TMED3: variants seen among roughly 807,000 people sequenced by gnomAD.
The protein encoded by TMED3 is transmembrane p24 trafficking protein 3.
A neutral mutation model predicts 15.0 loss-of-function variants in TMED3; 9 were observed. The ratio of observed to expected loss-of-function variants is 0.60; its 90% CI spans 0.36 to 1.04. The LOEUF is 1.04. Among genes scored for constraint, TMED3 ranks in the 50% least tolerant of loss-of-function variants. The pLI is 0.01. For synonymous variants in TMED3, 117 were observed against 121.4 expected (o/e 0.96, Z 0.24); for missense variants, 267 against 278.9 (o/e 0.96, Z 0.30).
chr15:79,405,019 G>A (rs748139592), intron 2 of TMED3, among the ~76,000 whole-genome samples: 1 of 152,178 alleles, frequency 6.6e-6, no homozygotes, highest in African/African-American at 2.4e-5. Context: ...GCAGGTTTGG[G>A]CTTCCCATGG....
intron 2 of TMED3, among the ~76,000 whole-genome samples, chr15:79,348,090 A>G (rs1024538871): frequency 6.6e-6 from 1 of 152,188 alleles, no homozygotes; most frequent in African/African-American, 2.4e-5. Flanking sequence ...ACAATTATTA[A>G]GCACTTACCC....
downstream of TMED3, among the ~76,000 whole-genome samples, chr15:79,326,528 C>T (rs1400997776): frequency 6.6e-6 from 1 of 152,152 alleles, no homozygotes; most frequent in Non-Finnish European, 1.5e-5. Context: ...TATTGCTAGT[C>T]TTGGGGCTTT....
intron 2 of TMED3, among the ~76,000 whole-genome samples, chr15:79,400,829 G>A (rs903396506): frequency 4.6e-5 from 7 of 152,280 alleles, no homozygotes; most frequent in East Asian, 3.9e-4. Flanking sequence ...CCACAACAAC[G>A]TAACAAACTG....
intron 2 of TMED3, among the ~76,000 whole-genome samples, chr15:79,355,205 G>A (rs1199479144): frequency 1.3e-5 from 2 of 152,132 alleles, no homozygotes; most frequent in Non-Finnish European, 1.5e-5. Context: ...AGACCAGGAA[G>A]TCAGCTGTGA....
intron 2 of TMED3, among the ~76,000 whole-genome samples, chr15:79,407,566 A>G (rs1456533977): frequency 6.6e-6 from 1 of 152,156 alleles, no homozygotes; most frequent in Non-Finnish European, 1.5e-5. Flanking sequence ...CATCCTGCAA[A>G]GTTTTGTGTC....
exon 3 of TMED3, chr15:79,412,113 C>G (rs566406665): frequency 6.7e-6 from 1 of 150,112 alleles, no homozygotes; most frequent in African/African-American, 2.4e-5. Context: ...GCCCCCAGGG[C>G]TACCCAAAGC....
At chr15:79,333,043 C>T (rs1409719225) in intron 2 of TMED3, among the ~76,000 whole-genome samples, 1 of 152,210 alleles carries the variant, frequency 6.6e-6, no homozygotes, top group African/African-American at 2.4e-5. Context: ...ATAAATCCTT[C>T]TCTTGCACTC....
chr15:79,330,892 A>C (rs554545883), intron 2 of TMED3, among the ~76,000 whole-genome samples: 22 of 152,374 alleles, frequency 1.4e-4, no homozygotes, highest in Admixed American at 3.3e-4. Context: ...ATCTATAGCT[A>C]TATTAGTACA....
chr15:79,352,763 G>T (rs2058896294), intron 2 of TMED3, among the ~76,000 whole-genome samples: 1 of 140,704 alleles, frequency 7.1e-6, no homozygotes, highest in Non-Finnish European at 1.5e-5. Flanking sequence ...TTTAGTTAAT[G>T]ATCTTGGGTT....
At chr15:79,373,747 A>T (rs1480407255) in intron 2 of TMED3, among the ~76,000 whole-genome samples, 1 of 152,206 alleles carries the variant, frequency 6.6e-6, no homozygotes, top group Non-Finnish European at 1.5e-5. Flanking sequence ...GCTTGGTTTT[A>T]TACAGGGGAA....
At chr15:79,314,895 G>C (rs1428592904) in intron 2 of TMED3, among the ~76,000 whole-genome samples, 1 of 152,148 alleles carries the variant, frequency 6.6e-6, no homozygotes. Flanking sequence ...TGAGGGCTAG[G>C]ACCCTGAATG....
intron 2 of TMED3, among the ~76,000 whole-genome samples, chr15:79,336,249 C>T (rs1176704900): frequency 1.3e-5 from 2 of 152,186 alleles, no homozygotes; most frequent in African/African-American, 4.8e-5. Context: ...TGTAAATCTT[C>T]CCCTCTCTGA....
intron 2 of TMED3, among the ~76,000 whole-genome samples, chr15:79,354,842 C>T (rs2058912279): frequency 6.6e-6 from 1 of 152,092 alleles, no homozygotes; most frequent in Non-Finnish European, 1.5e-5. Context: ...AGCTCTGCCC[C>T]CCCATTCCGT....
At chr15:79,327,683 G>A (rs2058792336), downstream of TMED3, among the ~76,000 whole-genome samples, 1 of 152,232 alleles carries the variant, frequency 6.6e-6, no homozygotes, top group African/African-American at 2.4e-5. Flanking sequence ...TAAACTTGAT[G>A]TGATGGTATC....
chr15:79,368,068 A>G (rs1421240927), intron 2 of TMED3, among the ~76,000 whole-genome samples: 2 of 152,200 alleles, frequency 1.3e-5, no homozygotes, highest in African/African-American at 4.8e-5. Flanking sequence ...GGTTTCTGAA[A>G]AACAACTCAG....
At chr15:79,389,857 AAG>A (rs1355013583) in intron 2 of TMED3, among the ~76,000 whole-genome samples, 3 of 152,002 alleles carry the variant, frequency 2.0e-5, no homozygotes, top group Non-Finnish European at 2.9e-5. Context: ...ACTGTCATAA[AAG>A]GGGTTGAGTT....
intron 2 of TMED3, among the ~76,000 whole-genome samples, chr15:79,334,551 G>C (rs28678385): frequency 0.26 from 38,957 of 152,068 alleles, 5,313 homozygotes; most frequent in East Asian, 0.49. Context: ...CAGGAGAACT[G>C]ATGAGAAAGG....
downstream of TMED3, among the ~76,000 whole-genome samples, chr15:79,325,888 G>A (rs898780520): frequency 6.6e-5 from 10 of 152,130 alleles, no homozygotes; most frequent in African/African-American, 2.4e-4. Flanking sequence ...TCTTCCACTT[G>A]CTTTGTTCTA....
At chr15:79,370,208 A>G (rs558932647) in intron 2 of TMED3, among the ~76,000 whole-genome samples, 7 of 150,568 alleles carry the variant, frequency 4.6e-5, no homozygotes, top group Non-Finnish European at 1.0e-4. Context: ...CTCCTGCCTC[A>G]GCTCTCAAGT....
Sources: gnomAD v4.1 joint callset for allele counts (sites outside exome capture counted in the v4.1 genomes callset) on GRCh38, gnomAD v4.1.1 for gene constraint, MANE v1.5 for transcripts, NCBI Gene and HGNC (gene_info 2026-07-23, HGNC 2026-07-21) for gene names.